Variants in DLGAP2 observed in about 807,000 individuals in gnomAD.
The protein encoded by DLGAP2 is disks large-associated protein 2.
Under a neutral mutation model 100.3 loss-of-function variants are expected in DLGAP2, and 26 were observed. The observed-to-expected ratio is 0.26, with a 90% CI of 0.19 to 0.36. The LOEUF (loss-of-function observed/expected upper bound fraction) is 0.36. Among genes scored for constraint, DLGAP2 ranks in the 10% least tolerant of loss-of-function variants. The pLI, the probability that DLGAP2 is intolerant of heterozygous loss-of-function variation, is 1.00. For synonymous variants in DLGAP2, 886 were observed against 630.1 expected (o/e 1.41, Z -6.08); for missense variants, 1,858 against 1,453.2 (o/e 1.28, Z -4.53).
chr8:1,164,305 T>TG (rs1563224456), intron 2 of DLGAP2, among the ~76,000 whole-genome samples: 10 of 47,156 alleles, frequency 2.1e-4, no homozygotes, highest in Admixed American at 2.9e-4. Context: ...CCCCCCAGGG[T>TG]TTGTTTTTGT....
chr8:1,333,519 G>A (rs759884149), intron 3 of DLGAP2, among the ~76,000 whole-genome samples: 66 of 152,164 alleles, frequency 4.3e-4, no homozygotes, highest in Middle Eastern at 3.4e-3. Context: ...TTCACACCCC[G>A]TTTCTCCTCC....
intron 4 of DLGAP2, among the ~76,000 whole-genome samples, chr8:1,536,084 G>C (rs1801145509): frequency 6.6e-6 from 1 of 152,220 alleles, no homozygotes; most frequent in Non-Finnish European, 1.5e-5. Flanking sequence ...GTTTGTGACA[G>C]TCAACTCGGT....
At chr8:1,655,447 A>G (rs529770537) in intron 8 of DLGAP2, among the ~76,000 whole-genome samples, 1 of 152,326 alleles carries the variant, frequency 6.6e-6, no homozygotes, top group African/African-American at 2.4e-5. Context: ...TAGAATGGCA[A>G]TGCTTGCCAT....
rs561936999 is a variant in DLGAP2, at chr8:1,523,454, G to A, written c.172+22023G>A. Among the ~76,000 whole-genome samples, 52 of 152,244 alleles carry A rather than the reference G, an allele frequency of 3.4e-4. No individual in the cohort carries two copies. In the South Asian group the frequency reaches 9.5e-3, roughly 28 times the overall value. On this transcript the variant is annotated intron_variant, in intron 4 of 14. Transcript: ENST00000637795. ...CAGCCATGCCCCCACGCAGACACAC[G>A]GAGCCCCAAGGCGGGCCAGATCTCA... is the stretch of plus-strand genomic sequence containing the variant.
intron 2 of DLGAP2, among the ~76,000 whole-genome samples, chr8:944,699 C>T (rs556072046): frequency 8.6e-5 from 13 of 150,866 alleles, no homozygotes; most frequent in East Asian, 2.0e-4. Flanking sequence ...TGGTTGGTAA[C>T]GACTTTGTGC....
intron 2 of DLGAP2, among the ~76,000 whole-genome samples, chr8:965,696 CGGCTCCTG>C (rs1799848262): frequency 1.8e-5 from 2 of 113,764 alleles, no homozygotes; most frequent in African/African-American, 3.2e-5. Context: ...TCACCTCACA[CGGCTCCTG>C]AGCCCAACCC....
intron 3 of DLGAP2, among the ~76,000 whole-genome samples, chr8:1,330,172 C>T (rs1801116093): frequency 1.3e-5 from 2 of 151,910 alleles, no homozygotes; most frequent in African/African-American, 2.4e-5. Context: ...CAGGTGCTGG[C>T]CGTGGTGCTG....
intron 2 of DLGAP2, among the ~76,000 whole-genome samples, chr8:1,213,377 T>G (rs1416201346): frequency 1.3e-5 from 2 of 148,442 alleles, no homozygotes; most frequent in Non-Finnish European, 2.9e-5. Flanking sequence ...TGTATTGCAA[T>G]GATAATCCAG....
intron 3 of DLGAP2, among the ~76,000 whole-genome samples, chr8:1,464,239 A>ACCCTTCCAGGACGGCT: frequency 7.9e-6 from 1 of 126,928 alleles, no homozygotes; most frequent in Non-Finnish European, 1.7e-5. Context: ...CCAGGACGAC[A>ACCCTTCCAGGACGGCT]CCCTTCCAGG....
At chr8:1,602,321 G>A (rs1796654893) in intron 6 of DLGAP2, among the ~76,000 whole-genome samples, 1 of 152,174 alleles carries the variant, frequency 6.6e-6, no homozygotes, top group Non-Finnish European at 1.5e-5. Flanking sequence ...TTAATGGTGT[G>A]CTCTGATGAA....
chr8:1,089,928 A>C (rs1481681728), intron 2 of DLGAP2, among the ~76,000 whole-genome samples: 1 of 152,188 alleles, frequency 6.6e-6, no homozygotes, highest in Non-Finnish European at 1.5e-5. Context: ...ACTGCTTGGG[A>C]TGAAGTCCGT....
intron 1 of DLGAP2, among the ~76,000 whole-genome samples, chr8:907,240 C>G (rs376653288): frequency 3.0e-4 from 45 of 152,336 alleles, no homozygotes; most frequent in African/African-American, 1.1e-3. Context: ...AAAAGTTCAG[C>G]TTTTCCTCTA....
chr8:1,588,712 G>C (rs1419872873), intron 6 of DLGAP2, among the ~76,000 whole-genome samples: 1 of 136,364 alleles, frequency 7.3e-6, no homozygotes, highest in Non-Finnish European at 1.5e-5. Context: ...GACCAGTCTG[G>C]CCAACATGGT....
intron 3 of DLGAP2, among the ~76,000 whole-genome samples, chr8:1,445,962 T>C: frequency 6.6e-6 from 1 of 152,180 alleles, no homozygotes; most frequent in Non-Finnish European, 1.5e-5. Context: ...TGTAAATTTG[T>C]TTGAGTTCAT....
At chr8:947,177 G>A (rs1448427970) in intron 2 of DLGAP2, among the ~76,000 whole-genome samples, 1 of 152,184 alleles carries the variant, frequency 6.6e-6, no homozygotes, top group Non-Finnish European at 1.5e-5. Context: ...CTTTACAGTT[G>A]TTCTTACTGT....
intron 3 of DLGAP2, among the ~76,000 whole-genome samples, chr8:1,268,814 G>T (rs968734134): frequency 6.6e-6 from 1 of 152,208 alleles, no homozygotes; most frequent in Admixed American, 6.5e-5. Flanking sequence ...ATTGTTCTGG[G>T]GTCTCACTCT....
chr8:1,481,164 C>T (rs1291902241), intron 3 of DLGAP2, among the ~76,000 whole-genome samples: 2 of 151,658 alleles, frequency 1.3e-5, no homozygotes, highest in Non-Finnish European at 2.9e-5. Context: ...AGAGCGAGAC[C>T]CCATCTCAAA....
chr8:1,534,448 C>G (rs905857176), intron 4 of DLGAP2, among the ~76,000 whole-genome samples: 5 of 152,132 alleles, frequency 3.3e-5, no homozygotes, highest in African/African-American at 1.2e-4. Context: ...ATTTGGTAAT[C>G]AAGGGCAATT....
intron 2 of DLGAP2, among the ~76,000 whole-genome samples, chr8:937,165 G>C (rs894659038): frequency 2.6e-5 from 4 of 152,190 alleles, no homozygotes; most frequent in Non-Finnish European, 5.9e-5. Flanking sequence ...CGCCTGACGA[G>C]GTGCTGCCTG....
Sources: allele counts gnomAD v4.1 joint callset (sites outside exome capture counted in the v4.1 genomes callset), GRCh38; gene constraint gnomAD v4.1.1; transcripts MANE v1.5; gene names NCBI Gene and HGNC (gene_info 2026-07-23, HGNC 2026-07-21).